The following SLC2A13 variants were observed in gnomAD, a reference collection of about 807,000 sequenced individuals.
SLC2A13 encodes the protein solute carrier family 2 member 13, also known as proton myo-inositol cotransporter.
Under a neutral mutation model 64.4 loss-of-function variants are expected in SLC2A13, and 32 were observed. That is an observed-to-expected ratio of 0.50 (90% CI 0.37 to 0.67). The LOEUF is 0.67. SLC2A13 is among the 30% of genes least tolerant of loss of function. The probability of loss-of-function intolerance (pLI) is 0.00; values close to 1 mark genes in which losing one functional copy is unlikely to be tolerated. For synonymous variants in SLC2A13, 338 were observed against 327.1 expected, an observed-to-expected ratio of 1.03 and a Z score of -0.36; for missense variants, 743 against 829.2, an observed-to-expected ratio of 0.90 and a Z score of 1.28.
At chr12:40,086,267 T>C (rs1938586069) in intron 1 of SLC2A13, among the ~76,000 whole-genome samples, 1 of 152,182 alleles carries the variant, frequency 6.6e-6, no homozygotes, top group Non-Finnish European at 1.5e-5. Flanking sequence ...GGAGGGTATT[T>C]TTTTTTAATC....
At chr12:39,942,053 T>G (rs922878213) in intron 4 of SLC2A13, among the ~76,000 whole-genome samples, 26 of 152,366 alleles carry the variant, frequency 1.7e-4, no homozygotes, top group African/African-American at 5.8e-4. Context: ...TTCTCTATTC[T>G]GTTCCATTGG....
intron 6 of SLC2A13, among the ~76,000 whole-genome samples, chr12:39,837,168 C>A (rs926291507): frequency 1.9e-4 from 26 of 134,468 alleles, no homozygotes; most frequent in African/African-American, 7.0e-4. Context: ...CAGAACAGAG[C>A]CCTCAGAAAT....
At chr12:40,102,938 T>A (rs1436335278) in intron 1 of SLC2A13, among the ~76,000 whole-genome samples, 1 of 152,262 alleles carries the variant, frequency 6.6e-6, no homozygotes, top group East Asian at 1.9e-4. Flanking sequence ...TGCGGCCTAT[T>A]TCAAAGCCTG....
At chr12:39,862,152 T>C (rs1241604551) in intron 6 of SLC2A13, among the ~76,000 whole-genome samples, 1 of 152,162 alleles carries the variant, frequency 6.6e-6, no homozygotes, top group African/African-American at 2.4e-5. Flanking sequence ...AATCAGGCCT[T>C]GGAAAATACA....
intron 2 of SLC2A13, among the ~76,000 whole-genome samples, chr12:40,042,313 T>A (rs1263127949): frequency 6.6e-6 from 1 of 152,142 alleles, no homozygotes; most frequent in Admixed American, 6.6e-5. Context: ...CCCCTCTGTA[T>A]ATATACCTAT....
intron 7 of SLC2A13, among the ~76,000 whole-genome samples, chr12:39,788,340 C>G (rs1442426887): frequency 6.6e-6 from 1 of 152,064 alleles, no homozygotes; most frequent in Non-Finnish European, 1.5e-5. Flanking sequence ...TATTAAGTAA[C>G]AAATAAGGGT....
At chr12:40,064,074 CT>C (rs1455539225) in intron 1 of SLC2A13, among the ~76,000 whole-genome samples, 2 of 152,124 alleles carry the variant, frequency 1.3e-5, no homozygotes, top group Admixed American at 1.3e-4. Flanking sequence ...AAGAACCTGT[CT>C]GTATAAAACA....
chr12:39,782,670 C>T (rs1350309501), intron 7 of SLC2A13, among the ~76,000 whole-genome samples: 2 of 152,188 alleles, frequency 1.3e-5, no homozygotes, highest in East Asian at 3.9e-4. Flanking sequence ...AACTGGGTAA[C>T]AGACAAAGGT....
chr12:39,846,837 G>T (rs868014214), intron 6 of SLC2A13, among the ~76,000 whole-genome samples: 6 of 152,218 alleles, frequency 3.9e-5, no homozygotes, highest in South Asian at 4.1e-4. Flanking sequence ...GGATAAAAGA[G>T]AATCCATGCA....
chr12:39,848,342 C>T (rs994168180), intron 6 of SLC2A13, among the ~76,000 whole-genome samples: 1 of 151,968 alleles, frequency 6.6e-6, no homozygotes, highest in Non-Finnish European at 1.5e-5. Context: ...AGAAAAACAA[C>T]CCCATTAAAA....
intron 3 of SLC2A13, among the ~76,000 whole-genome samples, chr12:40,025,760 A>G (rs1029010202): frequency 6.6e-6 from 1 of 152,206 alleles, no homozygotes; most frequent in African/African-American, 2.4e-5. Context: ...GGATCCATGG[A>G]CAGATTAACA....
At chr12:39,945,929 C>A (rs10747956) in intron 4 of SLC2A13, among the ~76,000 whole-genome samples, 83,891 of 151,412 alleles carry the variant, frequency 0.55, 25,552 homozygotes, top group Non-Finnish European at 0.69. Flanking sequence ...TGTTGAAGAG[C>A]CTTGTTTTGT....
At chr12:39,862,735 T>C (rs1943795112) in intron 6 of SLC2A13, among the ~76,000 whole-genome samples, 1 of 152,202 alleles carries the variant, frequency 6.6e-6, no homozygotes, top group African/African-American at 2.4e-5. Context: ...GTATGCATAA[T>C]AGTGGACCAT....
At chr12:40,096,945 G>GATTTATC (rs897828681) in intron 1 of SLC2A13, among the ~76,000 whole-genome samples, 11 of 151,986 alleles carry the variant, frequency 7.2e-5, no homozygotes, top group African/African-American at 2.4e-4. Context: ...TCAAAAACTG[G>GATTTATC]ATTTATCATA....
intron 6 of SLC2A13, among the ~76,000 whole-genome samples, chr12:39,860,273 G>A (rs927763897): frequency 6.6e-6 from 1 of 152,164 alleles, no homozygotes; most frequent in African/African-American, 2.4e-5. Context: ...TTACATTTAA[G>A]GCCTTCCAGC....
intron 7 of SLC2A13, among the ~76,000 whole-genome samples, chr12:39,797,461 A>G (rs1032776867): frequency 3.9e-5 from 6 of 152,210 alleles, no homozygotes; most frequent in Non-Finnish European, 8.8e-5. Flanking sequence ...AAATAACAGC[A>G]ATATGGGAAA....
intron 7 of SLC2A13, among the ~76,000 whole-genome samples, chr12:39,766,308 TC>T (rs1287501843): frequency 6.6e-6 from 1 of 152,108 alleles, no homozygotes; most frequent in African/African-American, 2.4e-5. Flanking sequence ...TTTTTTGGTT[TC>T]CCACTACATA....
chr12:39,964,011 G>A (rs1454978968), intron 3 of SLC2A13, among the ~76,000 whole-genome samples: 3 of 152,074 alleles, frequency 2.0e-5, no homozygotes, highest in East Asian at 3.9e-4. Flanking sequence ...CCCAGATTCC[G>A]GAAGTATGAC....
Position 39,841,029 on chromosome 12 carries a change from G to T in SLC2A13, c.1320-10801C>A, listed in dbSNP as rs184098254. Among the ~76,000 whole-genome samples, 521 of 152,096 alleles carry T rather than the reference G, an allele frequency of 3.4e-3. 3 individuals carry two copies. The highest frequency in any genetic ancestry group is 0.012 in the African/African-American group (494 of 41,512). On this transcript the variant is annotated intron_variant, in intron 6 of 9. Transcript: ENST00000280871. ...CATGAATTGTTCCTTACAATTCACG[G>T]CTCTCAGACCAAATCCATACATGAC...
Sources: gnomAD v4.1 joint callset for allele counts (sites outside exome capture counted in the v4.1 genomes callset) on GRCh38, gnomAD v4.1.1 for gene constraint, MANE v1.5 for transcripts, NCBI Gene and HGNC (gene_info 2026-07-23, HGNC 2026-07-21) for gene names.